Variants in ACACA observed in about 807,000 individuals in gnomAD.
ACACA encodes acetyl-CoA carboxylase 1.
A neutral mutation model predicts 296.1 loss-of-function variants in ACACA; 103 were observed. The ratio of observed to expected loss-of-function variants is 0.35; its 90% CI spans 0.30 to 0.41. The LOEUF (loss-of-function observed/expected upper bound fraction) is 0.41, where lower values mean the gene tolerates loss of function less well. Ranked by LOEUF, ACACA falls within the 10% of genes least tolerant of loss-of-function variation. The pLI is 1.00. For synonymous variants in ACACA, 953 were observed against 1,038.6 expected, an observed-to-expected ratio of 0.92 and a Z score of 1.58; for missense variants, 1,554 against 2,989.7, an observed-to-expected ratio of 0.52 and a Z score of 11.20.
At chr17:37,189,521 A>G (rs2077664898) in intron 38 of ACACA, among the ~76,000 whole-genome samples, 1 of 152,218 alleles carries the variant, frequency 6.6e-6, no homozygotes, top group South Asian at 2.1e-4. Flanking sequence ...TGAGGGAACA[A>G]AAGCCAACAA....
chr17:37,121,996 T>C (rs2074548512), intron 49 of ACACA, among the ~76,000 whole-genome samples: 1 of 152,044 alleles, frequency 6.6e-6, no homozygotes, highest in Non-Finnish European at 1.5e-5. Flanking sequence ...AAAAAAATAA[T>C]GGCACCAGGC....
At chr17:37,184,495 C>T (rs2077450871) in intron 39 of ACACA, among the ~76,000 whole-genome samples, 1 of 152,164 alleles carries the variant, frequency 6.6e-6, no homozygotes, top group African/African-American at 2.4e-5. Flanking sequence ...GTCACCTTAC[C>T]TGCCAAAACA....
intron 41 of ACACA, among the ~76,000 whole-genome samples, chr17:37,175,051 G>A (rs2898659): frequency 0.26 from 39,749 of 152,004 alleles, 5,952 homozygotes; most frequent in African/African-American, 0.38. Flanking sequence ...GTTCTGATAT[G>A]GTAAGAAAAA....
chr17:37,094,578 C>CG (rs1175360207), intron 54 of ACACA, among the ~76,000 whole-genome samples: 3 of 147,826 alleles, frequency 2.0e-5, no homozygotes, highest in Non-Finnish European at 1.5e-5. Flanking sequence ...AACCACCCCC[C>CG]CCCCCCCACA....
chr17:37,200,245 C>A, intron 34 of ACACA, 62 bp from the exon 35 acceptor site: 2 of 1,468,532 alleles, frequency 1.4e-6, no homozygotes, highest in Non-Finnish European at 9.5e-7. Flanking sequence ...GTAACAAAAT[C>A]AAAAAGAAAT....
intron 29 of ACACA, among the ~76,000 whole-genome samples, chr17:37,219,570 T>C (rs4473247): frequency 0.018 from 2,783 of 152,084 alleles, 80 homozygotes; most frequent in African/African-American, 0.063. Context: ...AGATGGCTAG[T>C]GTCAGAATTC....
At chr17:37,334,751 C>T (rs1016593428) in intron 2 of ACACA, among the ~76,000 whole-genome samples, 4 of 152,034 alleles carry the variant, frequency 2.6e-5, no homozygotes, top group African/African-American at 4.8e-5. Flanking sequence ...CACTGCACCC[C>T]GTCCATGCCC....
chr17:37,141,652 T>C (rs1405663383), intron 45 of ACACA, among the ~76,000 whole-genome samples: 1 of 152,184 alleles, frequency 6.6e-6, no homozygotes, highest in Non-Finnish European at 1.5e-5. Flanking sequence ...CCAAAGTTGC[T>C]TACCTAGTAA....
intron 50 of ACACA, among the ~76,000 whole-genome samples, chr17:37,115,967 T>A (rs898684353): frequency 3.7e-4 from 56 of 152,106 alleles, no homozygotes; most frequent in African/African-American, 1.2e-3. Flanking sequence ...ATGTCCACAT[T>A]CTACTACTTC....
At chr17:37,232,813 A>G (rs1301890637) in intron 25 of ACACA, among the ~76,000 whole-genome samples, 1 of 152,016 alleles carries the variant, frequency 6.6e-6, no homozygotes, top group African/African-American at 2.4e-5. Flanking sequence ...TGACACCAAA[A>G]TAAAGAAAGG....
At chr17:37,405,430 G>A (rs2051442696) in intron 1 of ACACA, among the ~76,000 whole-genome samples, 1 of 152,090 alleles carries the variant, frequency 6.6e-6, no homozygotes, top group Non-Finnish European at 1.5e-5. Context: ...TAATCTTCAG[G>A]ATACATCAAA....
At chr17:37,099,773 A>G (rs1023059870) in intron 52 of ACACA, among the ~76,000 whole-genome samples, 1 of 152,150 alleles carries the variant, frequency 6.6e-6, no homozygotes, top group Non-Finnish European at 1.5e-5. Context: ...AGGGAAGCAA[A>G]TATTTTCCCT....
Position 37,205,616 on chromosome 17 carries a change from G to A in ACACA, c.4056+149C>T, listed in dbSNP as rs192557865. ...CATTATATATTATTAAGTCACTTTG[G>A]GATTTTATCCCTAAATGCAGAACTA... On this transcript the variant is annotated intron_variant, in intron 33 of 55. Transcript: ENST00000616317. 2.6e-5 allele frequency: 18 copies of A among 690,330 alleles called. No homozygotes were observed. In the Admixed American group the frequency reaches 3.8e-4, roughly 15 times the overall value. The allele number at this position is 690,330 out of a possible 1,614,324, so 42.8% of individuals were successfully genotyped here.
Position 37,113,203 on chromosome 17 carries a change from G to T in ACACA, c.6337C>A (p.Gln2113Lys). ...GGAGGAATGTAAACCAGCACAGGCT[G>T]GCAGCACTCCCTCAAGCCATCCACA... Reference protein sequence around the residue: ...YIVDGLRECCQPVLVYIPPQA... With the variant: ...YIVDGLRECCKPVLVYIPPQA... Residue 2113 changes from glutamine (Q) to lysine (K), a missense_variant, in exon 51 of 56, where the codon CAG (glutamine) becomes AAG (lysine). Coordinates refer to ENST00000616317, the MANE Select transcript of ACACA (RefSeq NM_198834.3). The surrounding 1 kb of genome is among the most constrained non-coding windows in gnomAD (Gnocchi z 4.0). 6.2e-7 allele frequency: 1 copy of T among 1,614,196 alleles called. No homozygotes were observed.
intron 25 of ACACA, among the ~76,000 whole-genome samples, chr17:37,227,635 G>A (rs769508403): frequency 1.3e-5 from 2 of 152,114 alleles, no homozygotes; most frequent in Non-Finnish European, 2.9e-5. Context: ...TTGGGAGGCC[G>A]AGGCGTGCGG....
intron 39 of ACACA, among the ~76,000 whole-genome samples, chr17:37,183,361 G>A (rs1426281070): frequency 6.6e-6 from 1 of 152,146 alleles, no homozygotes; most frequent in African/African-American, 2.4e-5. Context: ...TTAAGCATAT[G>A]CTTACTGTGT....
chr17:37,313,060 T>C (rs2046924530), intron 3 of ACACA, among the ~76,000 whole-genome samples: 1 of 152,194 alleles, frequency 6.6e-6, no homozygotes, highest in Non-Finnish European at 1.5e-5. Flanking sequence ...CCCAGTTTCA[T>C]GACTATCATT....
chr17:37,328,528 C>T (rs1310388255), intron 3 of ACACA: 1 of 180,972 alleles, frequency 5.5e-6, no homozygotes, highest in Non-Finnish European at 1.1e-5. Flanking sequence ...ACTTGCTTTA[C>T]ACTTTTCTTT....
chr17:37,361,399 A>G (rs898757835), intron 1 of ACACA, among the ~76,000 whole-genome samples: 3 of 152,006 alleles, frequency 2.0e-5, no homozygotes, highest in Non-Finnish European at 4.4e-5. Flanking sequence ...CCAGGGATTT[A>G]CCCTCAAAAA....
Sources: gnomAD v4.1 joint callset for allele counts (sites outside exome capture counted in the v4.1 genomes callset) on GRCh38, gnomAD v4.1.1 for gene constraint, Gnocchi (gnomAD v3.1) non-coding constraint, MANE v1.5 for transcripts, NCBI Gene and HGNC (gene_info 2026-07-23, HGNC 2026-07-21) for gene names.